Variants in GTF3C1 observed in about 807,000 individuals in gnomAD.
GTF3C1 encodes the protein general transcription factor 3C polypeptide 1.
A neutral mutation model predicts 226.7 loss-of-function variants in GTF3C1; 57 were observed. The ratio of observed to expected loss-of-function variants is 0.25; its 90% confidence interval spans 0.20 to 0.31. The LOEUF is 0.31. Among genes scored for constraint, GTF3C1 ranks in the 10% least tolerant of loss-of-function variants. GTF3C1 has a pLI of 1.00. For missense variants in GTF3C1, 2,217 were observed against 2,776.1 expected, an observed-to-expected ratio of 0.80 and a Z score of 4.53; for synonymous variants, 1,090 against 1,084.8, an observed-to-expected ratio of 1.00 and a Z score of -0.09.
Position 27,489,636 on chromosome 16 carries a change from G to T in GTF3C1, c.3259C>A (p.Leu1087Met). The T allele has an allele frequency of 6.2e-7, 1 of 1,611,110 alleles. No homozygotes were observed. ...TCCAGCATGGCGCACTTGCGCTCCAGGTTGTGCTTGTCCATGGCGCTCTCC... is the reference window on the plus strand; with the variant it reads ...TCCAGCATGGCGCACTTGCGCTCCATGTTGTGCTTGTCCATGGCGCTCTCC... The part of the protein sequence containing the change: ...EQESAMDKHN[L>M]ERKCAMLEYT... The change falls in exon 20 of 37, where the codon CTG becomes ATG. Residue 1087 changes from leucine (L) to methionine (M), a missense_variant. Transcript: ENST00000356183.
In GTF3C1 at chr16:27,463,941, AG is replaced by A. The variant is rs2087743005; in HGVS notation, c.5873-350del. On this transcript the variant is annotated intron_variant, in intron 34 of 36. Transcript: ENST00000356183. This position sits in a 1 kb window ranked among gnomAD's most constrained non-coding sequence, Gnocchi z 4.9. Reference sequence around the variant, plus strand: ...CAAAGAAAACAAAAACGCCCAGAGAAGCCACATGAGAAGGCCGCTGCTGATG... The same window carrying A: ...CAAAGAAAACAAAAACGCCCAGAGAACCACATGAGAAGGCCGCTGCTGATG... 6 of 421,524 alleles carry A rather than the reference AG, an allele frequency of 1.4e-5. No individual in the cohort carries two copies. The South Asian group carries it at 2.1e-4, about 15-fold the overall frequency. The allele number at this position is 421,524 out of a possible 1,614,324, so 26.1% of individuals were successfully genotyped here.
At chr16:27,488,502 G>A (rs767326604) in intron 22 of GTF3C1, 52 bp downstream of exon 22, 11 of 1,558,214 alleles carry the variant, frequency 7.1e-6, no homozygotes, top group Non-Finnish European at 9.7e-6. Flanking sequence ...AGTCGTTTAG[G>A]CCCTGAACTG....
intron 4 of GTF3C1, 24 bp from the exon 5 acceptor site, chr16:27,533,411 GT>G: frequency 1.5e-6 from 2 of 1,345,130 alleles, no homozygotes; most frequent in Non-Finnish European, 2.1e-6. Context: ...CGAGCAATTC[GT>G]TTTTTCAAAC....
intron 6 of GTF3C1, among the ~76,000 whole-genome samples, chr16:27,525,429 G>C (rs1489413261): frequency 6.6e-6 from 1 of 152,214 alleles, no homozygotes; most frequent in Non-Finnish European, 1.5e-5. Flanking sequence ...CAAAGATGAG[G>C]TTTTGCTCTA....
At chr16:27,476,938 C>A (rs2087959988) in intron 28 of GTF3C1, among the ~76,000 whole-genome samples, 1 of 152,212 alleles carries the variant, frequency 6.6e-6, no homozygotes, top group Admixed American at 6.5e-5. Flanking sequence ...GCTTTTGGAA[C>A]TGAGTTTTGC....
At chr16:27,533,235 T>TCCCGGC in intron 5 of GTF3C1, 56 bp downstream of exon 5, 1 of 835,080 alleles carries the variant, frequency 1.2e-6, no homozygotes, top group Non-Finnish European at 2.1e-6. Context: ...TGACAAGACC[T>TCCCGGC]CCCGGCTATG....
chr16:27,483,157 G>A (rs1459726404), intron 25 of GTF3C1, 32 bp from the exon 26 acceptor site: 2 of 1,599,740 alleles, frequency 1.3e-6, no homozygotes, highest in South Asian at 2.2e-5. Flanking sequence ...CTGAAGTCTG[G>A]GAATTGCAAT....
At position 27,465,445 on chromosome 16, in the gene GTF3C1, C is replaced by T. The variant is rs2087772213; in HGVS notation, c.5170G>A (p.Glu1724Lys). ...GACAGCTCCAGCTGGAGGACAAACT[C>T]CTCCAAGCTGCAGGTGTTTTCCTGG... ...NPQENTCSLE[E>K]FVLQLELSGY... Residue 1724 changes from glutamate (E) to lysine (K), a missense_variant, in exon 33 of 37, where the codon GAG (glutamate) becomes AAG (lysine). Around this residue, in one of 12 missense-constraint regions of GTF3C1, gnomAD observed 455 missense variants for 441.9 expected, o/e 1.03. Transcript: ENST00000356183. 5.6e-6 allele frequency: 9 copies of T among 1,613,060 alleles called. No homozygotes were observed. Among genetic ancestry groups the T allele is most frequent in the Non-Finnish European group, 7.6e-6 (9 of 1,179,762 alleles).
chr16:27,495,440 C>T lies in GTF3C1; in HGVS notation c.2403G>A (p.Arg801=), dbSNP rs751155287. 1.9e-5 allele frequency: 31 copies of T among 1,613,954 alleles called. No individual in the cohort carries two copies. The Admixed American group carries it at 4.3e-4, about 23-fold the overall frequency. The change falls in exon 15 of 37, where the codon CGG becomes CGA. Residue 801 remains arginine (R), a synonymous_variant. Transcript: ENST00000356183. The part of the protein sequence containing the change: ...LGFLPKMPRL[R]VVHMFLWYLI... Reference sequence around the variant, plus strand: ...GGTACCACAGAAACATGTGGACCACCCGCAGGCGAGGCATTTTGGGCAGAA... The same window carrying T: ...GGTACCACAGAAACATGTGGACCACTCGCAGGCGAGGCATTTTGGGCAGAA...
At chr16:27,530,720 T>C (rs901423998) in intron 5 of GTF3C1, among the ~76,000 whole-genome samples, 1 of 152,202 alleles carries the variant, frequency 6.6e-6, no homozygotes, top group Non-Finnish European at 1.5e-5. Context: ...TTCTGACCTA[T>C]TTATTCAACT....
At chr16:27,484,556 G>C (rs1466233231) in intron 24 of GTF3C1, among the ~76,000 whole-genome samples, 6 of 152,196 alleles carry the variant, frequency 3.9e-5, no homozygotes, top group African/African-American at 1.4e-4. Flanking sequence ...TATAGGACGA[G>C]GCCTCAGTGA....
chr16:27,505,884 T>A lies in GTF3C1; in HGVS notation c.1770+15A>T. The A allele has an allele frequency of 2.1e-6, 3 of 1,441,640 alleles. No individual in the cohort carries two copies. The highest frequency in any genetic ancestry group is 2.9e-6 in the Non-Finnish European group (3 of 1,022,988). 89.3% of individuals were successfully genotyped at this position (1,441,640 alleles called of 1,614,324 possible). A position where few individuals can be genotyped will look rare whatever the true frequency, so the allele number is the denominator to read the frequency against. ...TCCTTCTTGGAGACAGCTCCCTCCC[T>A]CTGCATGCACTGACCTTTGGGTTTT... is the stretch of plus-strand genomic sequence containing the variant. On this transcript the variant is annotated intron_variant, in intron 10 of 36. Transcript: ENST00000356183.
Position 27,533,406 on chromosome 16 carries a change from A to C in GTF3C1, c.753-19T>G, listed in dbSNP as rs144139301. ...GCTCCTCCTGCAAGAAACACCGAGCAATTCGTTTTTTCAAACCTGTTGCTG... is the reference window on the plus strand; with the variant it reads ...GCTCCTCCTGCAAGAAACACCGAGCCATTCGTTTTTTCAAACCTGTTGCTG... On this transcript the variant is annotated intron_variant, in intron 4 of 36. Transcript: ENST00000356183. The C allele has an allele frequency of 2.1e-6, 3 of 1,449,060 alleles. No homozygotes were observed. In the African/African-American group the frequency reaches 4.2e-5, roughly 20 times the overall value. 89.8% of individuals were successfully genotyped at this position (1,449,060 alleles called of 1,614,324 possible).
rs780337370 is a variant in GTF3C1 at position 27,506,040 on chromosome 16, G to A, written c.1629C>T (p.Ala543=). The change falls in exon 10 of 37, where the codon GCC becomes GCT. Residue 543 remains alanine (A), a synonymous_variant. Coordinates refer to ENST00000356183, the MANE Select transcript of GTF3C1 (RefSeq NM_001520.4). The part of the protein sequence containing the change: ...PSFPGAAEER[A]CQSLASRDSL... Reference sequence around the variant, plus strand: ...TGTCCCTGCTGGCAAGGCTCTGGCAGGCTCTCTCTTCAGCAGCTCCTGGGA... The same window carrying A: ...TGTCCCTGCTGGCAAGGCTCTGGCAAGCTCTCTCTTCAGCAGCTCCTGGGA... 1.9e-6 allele frequency: 3 copies of A among 1,613,820 alleles called. No homozygotes were observed. Among genetic ancestry groups the A allele is most frequent in the Non-Finnish European group, 2.5e-6 (3 of 1,179,662 alleles).
In GTF3C1 at chr16:27,507,961, G is replaced by A. The variant is rs1451182517; in HGVS notation, c.1242+579C>T. 6.6e-6 allele frequency among the ~76,000 whole-genome samples: 1 copy of A among 152,256 alleles called. No homozygotes were observed. The highest frequency in any genetic ancestry group is 2.4e-5 in the African/African-American group (1 of 41,464). On this transcript the variant is annotated intron_variant, in intron 8 of 36. Coordinates refer to ENST00000356183, the MANE Select transcript of GTF3C1 (RefSeq NM_001520.4). This position sits in a 1 kb window ranked among gnomAD's most constrained non-coding sequence, Gnocchi z 4.9. ...GGACAGAGAGTGGCCAGCCCCAGCT[G>A]ACTGTCCCCATGTGGGAGTAGGCTC...
chr16:27,521,690 C>T (rs1253433163), intron 6 of GTF3C1, among the ~76,000 whole-genome samples: 2 of 152,238 alleles, frequency 1.3e-5, no homozygotes, highest in Admixed American at 1.3e-4. Context: ...AGAGCTTCTG[C>T]CATATTAACA....
At chr16:27,489,241 T>C (rs1309576336) in intron 20 of GTF3C1, 63 bp from the exon 21 acceptor site, 2 of 1,572,212 alleles carry the variant, frequency 1.3e-6, no homozygotes, top group Non-Finnish European at 1.7e-6. Flanking sequence ...AGAGAGCCCA[T>C]GGCATGGGTT....
At chr16:27,483,563 G>C (rs2088089668) in intron 25 of GTF3C1, 3 of 435,840 alleles carry the variant, frequency 6.9e-6, no homozygotes, top group African/African-American at 2.0e-5. Context: ...GATATAAGGA[G>C]AGCCTGACTT....
chr16:27,530,310 G>A (rs181684256), intron 5 of GTF3C1, among the ~76,000 whole-genome samples: 8 of 152,108 alleles, frequency 5.3e-5, no homozygotes, highest in Non-Finnish European at 1.0e-4. Context: ...TAATCTAGCC[G>A]TGCCCCCAGC....
Sources: allele counts gnomAD v4.1 joint callset (sites outside exome capture counted in the v4.1 genomes callset), GRCh38; gene constraint gnomAD v4.1.1; regional missense constraint gnomAD v4.1.1; non-coding constraint Gnocchi (gnomAD v3.1); transcripts MANE v1.5; gene names NCBI Gene and HGNC (gene_info 2026-07-23, HGNC 2026-07-21).